The following POGK variants were observed in gnomAD, a reference collection of about 807,000 sequenced individuals.
POGK encodes pogo transposable element derived with KRAB domain, also known as pogo transposable element with KRAB domain.
POGK carries 16 observed loss-of-function variants against 54.4 expected under a neutral mutation model. The ratio of observed to expected loss-of-function variants is 0.29; its 90% CI spans 0.20 to 0.45. The LOEUF (loss-of-function observed/expected upper bound fraction) is 0.45. POGK is among the 20% of genes least tolerant of loss of function. POGK has a pLI of 1.00. For synonymous variants in POGK, 271 were observed against 302.2 expected (o/e 0.90, Z 1.07); for missense variants, 515 against 795.6 (o/e 0.65, Z 4.24).
chr1:166,850,444 A>G, intron 5 of POGK, 21 bp downstream of exon 5: 3 of 1,555,098 alleles, frequency 1.9e-6, no homozygotes, highest in Non-Finnish European at 2.6e-6. Flanking sequence ...AGGAGTAGAT[A>G]CTCAGTGCCT....
At chr1:166,840,889 C>T in intron 1 of POGK, 66 bp from the exon 2 acceptor site, 1 of 1,592,070 alleles carries the variant, frequency 6.3e-7, no homozygotes, top group Non-Finnish European at 8.6e-7. Context: ...CTCAGCCTCC[C>T]CCATCATAGG....
chr1:166,841,419 T>C (rs189792155), intron 2 of POGK, among the ~76,000 whole-genome samples: 1 of 152,246 alleles, frequency 6.6e-6, no homozygotes, highest in Non-Finnish European at 1.5e-5. Context: ...GTTGACTTAC[T>C]GCTGGTTGAA....
chr1:166,847,695 G>GAACC, intron 4 of POGK, 103 bp downstream of exon 4: 1 of 858,878 alleles, frequency 1.2e-6, no homozygotes, highest in Non-Finnish European at 1.8e-6. Context: ...GAAGGATTAT[G>GAACC]GGTTTTGGAG....
chr1:166,847,448 A>G lies in POGK; in HGVS notation c.260-46A>G, dbSNP rs1269459447. ...GAAGTACTTATTTTGGTAGTGCTCC[A>G]GGACAGTAACACACAGCTGTTACCT... On this transcript the variant is annotated intron_variant, in intron 3 of 5. Transcript: ENST00000367876. 13 of 1,478,456 alleles carry G rather than the reference A, an allele frequency of 8.8e-6. No individual in the cohort carries two copies. In the South Asian group the frequency reaches 1.5e-4, roughly 17 times the overall value. 91.6% of individuals were successfully genotyped at this position (1,478,456 alleles called of 1,614,324 possible). A position where few individuals can be genotyped will look rare whatever the true frequency, so the allele number is the denominator to read the frequency against.
chr1:166,850,070 G>T lies in POGK; in HGVS notation c.1491G>T (p.Gly497=), dbSNP rs759354586. 3.7e-6 allele frequency: 6 copies of T among 1,613,962 alleles called. No homozygotes were observed. In the Admixed American group the frequency reaches 1.0e-4, roughly 27 times the overall value. ...ACACTGACATGGTGATCATCCCAGG[G>T]GGTCTGACCTCACAGCTTCAGGTGC... The part of the protein sequence containing the change: ...SMNTDMVIIP[G]GLTSQLQVLD... The change falls in exon 5 of 6, where the codon GGG becomes GGT. Residue 497 remains glycine (G), a synonymous_variant. Transcript: ENST00000367876.
chr1:166,853,690 T>TA lies in POGK; in HGVS notation c.*1121dup, dbSNP rs1658163616. 7.9e-6 allele frequency: 1 copy of TA among 127,298 alleles called. No homozygotes were observed. The highest frequency in any genetic ancestry group is 1.7e-5 in the Non-Finnish European group (1 of 58,218). 7.9% of individuals were successfully genotyped at this position (127,298 alleles called of 1,614,324 possible). A position where few individuals can be genotyped will look rare whatever the true frequency, so the allele number is the denominator to read the frequency against. ...AGGACCTCACAGACAAAGCCATTGC[T>TA]AGAAATGTCATTCCAATGATCAGAT... On this transcript the variant is annotated 3_prime_UTR_variant, in exon 6 of 6. Transcript: ENST00000367876.
chr1:166,845,929 C>T (rs1001594104), intron 2 of POGK, among the ~76,000 whole-genome samples: 1 of 152,180 alleles, frequency 6.6e-6, no homozygotes, highest in Admixed American at 6.5e-5. Flanking sequence ...TGAGTTTGCT[C>T]TGGCATCTCA....
intron 2 of POGK, 134 bp from the exon 3 acceptor site, chr1:166,846,478 C>T: frequency 1.7e-6 from 2 of 1,166,320 alleles, no homozygotes; most frequent in Non-Finnish European, 2.4e-6. Flanking sequence ...AGTCCGTTTT[C>T]CCCTGGGTCA....
At chr1:166,848,768 A>C (rs1182514234) in intron 4 of POGK, among the ~76,000 whole-genome samples, 170 bp from the exon 5 acceptor site, 1 of 152,232 alleles carries the variant, frequency 6.6e-6, no homozygotes, top group Non-Finnish European at 1.5e-5. Context: ...TGGGTAGTCC[A>C]CATAAATTGG....
In POGK at chr1:166,849,854, G is replaced by T. The variant is rs1657988903; in HGVS notation, c.1275G>T (p.Gly425=). 4 of 1,614,276 alleles carry T rather than the reference G, an allele frequency of 2.5e-6. No homozygotes were observed. In the Admixed American group the frequency reaches 5.0e-5, roughly 20 times the overall value. ...IILRGTYIPP[G]KFPSGMEIRC... Reference sequence around the variant, plus strand: ...TGAGGGGAACATATATCCCCCCGGGGAAGTTTCCCAGTGGGATGGAAATTC... The same window carrying T: ...TGAGGGGAACATATATCCCCCCGGGTAAGTTTCCCAGTGGGATGGAAATTC... The change falls in exon 5 of 6, where the codon GGG becomes GGT. Residue 425 remains glycine, a synonymous_variant. Coordinates refer to ENST00000367876, the MANE Select transcript of POGK (RefSeq NM_017542.5).
At chr1:166,851,577 G>A (rs1186691467) in intron 5 of POGK, 1 of 152,196 alleles carries the variant, frequency 6.6e-6, no homozygotes, top group African/African-American at 2.4e-5. Context: ...AGGAATGGAG[G>A]CCTAACTGAG....
At chr1:166,843,987 A>T (rs2101751065) in intron 2 of POGK, among the ~76,000 whole-genome samples, 1 of 152,330 alleles carries the variant, frequency 6.6e-6, no homozygotes, top group Middle Eastern at 3.4e-3. Flanking sequence ...TGAGCCAGAT[A>T]AAAGGCCTCT....
chr1:166,853,843 C>A lies in POGK; in HGVS notation c.*1273C>A, dbSNP rs1252802793. The A allele has an allele frequency of 6.6e-6, 1 of 152,260 alleles. No homozygotes were observed. Among genetic ancestry groups the A allele is most frequent in the Admixed American group, 6.5e-5 (1 of 15,288 alleles). 9.4% of individuals were successfully genotyped at this position (152,260 alleles called of 1,614,324 possible). A position where few individuals can be genotyped will look rare whatever the true frequency, so the allele number is the denominator to read the frequency against. ...ACTCATTGTCCTGTTACTGATTCAC[C>A]TTTCTGATCCTTTTCAACCAGTTTT... On this transcript the variant is annotated 3_prime_UTR_variant, in exon 6 of 6. Transcript: ENST00000367876.
chr1:166,840,986 G>A lies in POGK; in HGVS notation c.30G>A (p.Leu10=), dbSNP rs1161208984. 4 of 1,613,904 alleles carry A rather than the reference G, an allele frequency of 2.5e-6. No homozygotes were observed. Among genetic ancestry groups the A allele is most frequent in the Non-Finnish European group, 3.4e-6 (4 of 1,179,956 alleles). MESTAYPLN[L]SLKEEEEEEE... ...AGTCCACAGCCTACCCTCTCAATTT[G>A]AGCCTGAAAGAAGAGGAAGAGGAAG... The change falls in exon 2 of 6, where the codon TTG becomes TTA. Residue 10 remains leucine (L), a synonymous_variant. Transcript: ENST00000367876.
intron 2 of POGK, among the ~76,000 whole-genome samples, chr1:166,844,369 A>AG (rs1657745978): frequency 6.6e-6 from 1 of 152,182 alleles, no homozygotes. Context: ...CTTCCCAGGG[A>AG]GAAAAAAAGG....
intron 2 of POGK, among the ~76,000 whole-genome samples, chr1:166,845,829 G>GC (rs771782001): frequency 6.6e-6 from 1 of 152,192 alleles, no homozygotes; most frequent in African/African-American, 2.4e-5. Flanking sequence ...CTACTGAGGA[G>GC]CCCCCTGGTG....
rs1197404850 is a variant in POGK, at chr1:166,854,320, CTTAA to C, written c.*1754_*1757del. Reference sequence around the variant, plus strand: ...TTCTCTGGGCTCATTCTTCCACTGACTTAATTATGATCTATGCCTAACAGAGCCC... The same window carrying C: ...TTCTCTGGGCTCATTCTTCCACTGACTTATGATCTATGCCTAACAGAGCCC... On this transcript the variant is annotated 3_prime_UTR_variant, in exon 6 of 6. Transcript: ENST00000367876. 7.9e-5 allele frequency: 12 copies of C among 152,730 alleles called. No homozygotes were observed. The East Asian group carries it at 1.9e-3, about 25-fold the overall frequency. The allele number at this position is 152,730 out of a possible 1,614,324, so 9.5% of individuals were successfully genotyped here.
chr1:166,847,383 G>A (rs1245510973), intron 3 of POGK, 111 bp from the exon 4 acceptor site: 13 of 788,984 alleles, frequency 1.6e-5, no homozygotes, highest in Non-Finnish European at 2.2e-5. Flanking sequence ...TTTTCCCCTT[G>A]TTTTTCACAA....
chr1:166,848,867 C>T (rs1657942315), intron 4 of POGK, 71 bp from the exon 5 acceptor site: 12 of 1,499,946 alleles, frequency 8.0e-6, no homozygotes, highest in Non-Finnish European at 1.1e-5. Context: ...AGCATTTCAA[C>T]CCCCAAAAAT....
Sources: gnomAD v4.1 joint callset for allele counts (sites outside exome capture counted in the v4.1 genomes callset) on GRCh38, gnomAD v4.1.1 for gene constraint, MANE v1.5 for transcripts, NCBI Gene and HGNC (gene_info 2026-07-23, HGNC 2026-07-21) for gene names.